Variants in DNM3 observed in about 807,000 individuals in gnomAD.
DNM3 encodes dynamin-3.
DNM3 carries 47 observed loss-of-function variants against 101.6 expected under a neutral mutation model. The ratio of observed to expected loss-of-function variants is 0.46; its 90% CI spans 0.37 to 0.59. The LOEUF is 0.59. Among genes scored for constraint, DNM3 ranks in the 20% least tolerant of loss-of-function variants. The pLI is 0.00. For synonymous variants in DNM3, 385 were observed against 387.9 expected (o/e 0.99, Z 0.09); for missense variants, 849 against 1,085.7 (o/e 0.78, Z 3.06).
chr1:171,898,010 A>G (rs1316766794), intron 1 of DNM3, among the ~76,000 whole-genome samples: 6 of 151,926 alleles, frequency 3.9e-5, no homozygotes, highest in Admixed American at 3.3e-4. Flanking sequence ...GGATTTAATT[A>G]GGAGAGGGAT....
intron 14 of DNM3, among the ~76,000 whole-genome samples, chr1:172,233,517 G>A (rs2148617922): frequency 6.6e-6 from 1 of 152,210 alleles, no homozygotes; most frequent in African/African-American, 2.4e-5. Context: ...AGAAAAAGAG[G>A]GAATCCTCCC....
chr1:172,188,079 G>GTGTA (rs1304200930), intron 14 of DNM3, among the ~76,000 whole-genome samples: 8 of 152,062 alleles, frequency 5.3e-5, no homozygotes, highest in Non-Finnish European at 7.4e-5. Flanking sequence ...AAGTATGTGT[G>GTGTA]TGTATGTATG....
At chr1:172,000,532 G>A (rs1292149212) in intron 4 of DNM3, among the ~76,000 whole-genome samples, 1 of 152,114 alleles carries the variant, frequency 6.6e-6, no homozygotes, top group African/African-American at 2.4e-5. Flanking sequence ...CATCCATTCA[G>A]TCACTTGTAT....
intron 14 of DNM3, among the ~76,000 whole-genome samples, chr1:172,226,039 ATAAGT>A (rs1295602630): frequency 1.3e-5 from 2 of 152,188 alleles, no homozygotes; most frequent in Non-Finnish European, 2.9e-5. Flanking sequence ...CCAGCATCCT[ATAAGT>A]TTAGTTTCTA....
chr1:172,013,554 T>A (rs576590837), intron 4 of DNM3, among the ~76,000 whole-genome samples: 1 of 152,164 alleles, frequency 6.6e-6, no homozygotes, highest in Admixed American at 6.6e-5. Flanking sequence ...AGGCTCCTAG[T>A]GTTGTATAAG....
chr1:171,874,384 A>G (rs1231238995), intron 1 of DNM3, among the ~76,000 whole-genome samples: 1 of 152,174 alleles, frequency 6.6e-6, no homozygotes, highest in African/African-American at 2.4e-5. Context: ...ATTCCTTGAA[A>G]TGAAATTAAT....
chr1:171,968,427 G>T (rs1258823425), intron 2 of DNM3, among the ~76,000 whole-genome samples: 2 of 152,166 alleles, frequency 1.3e-5, no homozygotes, highest in East Asian at 3.9e-4. Flanking sequence ...TTAATAGACA[G>T]AAATGGACCA....
At chr1:172,391,515 AAAGG>A (rs1312659696) in intron 20 of DNM3, among the ~76,000 whole-genome samples, 1 of 152,238 alleles carries the variant, frequency 6.6e-6, no homozygotes, top group East Asian at 1.9e-4. Context: ...TCAAAAAAAG[AAAGG>A]AAGAGAGAAC....
rs558657478 is a variant in DNM3, at chr1:172,224,086, CCTA to C, written c.1660-29485_1660-29483del. Among the ~76,000 whole-genome samples, 181 of 152,248 alleles carry C rather than the reference CCTA, an allele frequency of 1.2e-3. 1 individual carries two copies. The highest frequency in any genetic ancestry group is 4.1e-3 in the African/African-American group (172 of 41,552). ...GTAATACCTTCTCCCTATACCTATGCCTACCCCAATCCTACCCAACATGCAAGA... is the reference window on the plus strand; with the variant it reads ...GTAATACCTTCTCCCTATACCTATGCCCCCAATCCTACCCAACATGCAAGA... On this transcript the variant is annotated intron_variant, in intron 14 of 20. Coordinates refer to ENST00000627582, the MANE Select transcript of DNM3 (RefSeq NM_015569.5).
At chr1:172,295,873 T>G (rs1179231884) in intron 15 of DNM3, among the ~76,000 whole-genome samples, 1 of 151,874 alleles carries the variant, frequency 6.6e-6, no homozygotes, top group African/African-American at 2.4e-5. Flanking sequence ...AATGTAAAAA[T>G]AAAAGAAGAA....
At chr1:172,118,079 T>C (rs1284702981) in intron 13 of DNM3, among the ~76,000 whole-genome samples, 1 of 152,166 alleles carries the variant, frequency 6.6e-6, no homozygotes, top group Admixed American at 6.5e-5. Context: ...TATCCTCACA[T>C]CCTGCACTGC....
chr1:172,039,007 A>G (rs575105847), intron 7 of DNM3, among the ~76,000 whole-genome samples: 3 of 152,070 alleles, frequency 2.0e-5, no homozygotes, highest in South Asian at 4.1e-4. Flanking sequence ...ACTGCCAAGC[A>G]TCTTTTCACC....
chr1:172,128,117 T>C (rs2056743496), intron 13 of DNM3, among the ~76,000 whole-genome samples: 1 of 152,236 alleles, frequency 6.6e-6, no homozygotes, highest in African/African-American at 2.4e-5. Context: ...TTACAGACTC[T>C]TGTGACTACC....
chr1:172,348,455 G>A (rs769324021), intron 17 of DNM3, among the ~76,000 whole-genome samples: 2 of 152,176 alleles, frequency 1.3e-5, no homozygotes, highest in Non-Finnish European at 2.9e-5. Context: ...CTGCTGATTA[G>A]TTTAACCTGT....
intron 1 of DNM3, among the ~76,000 whole-genome samples, chr1:171,894,756 G>A (rs1375494565): frequency 6.6e-6 from 1 of 152,038 alleles, no homozygotes; most frequent in East Asian, 1.9e-4. Context: ...CCCCCAGCAG[G>A]CCCTGGTGTA....
chr1:172,338,611 G>C lies in DNM3; in HGVS notation c.1893+15271G>C, dbSNP rs191835538. The stretch of plus-strand genomic sequence containing the variant: ...TGAAAACGACTGTTGGCAATCCCCA[G>C]GCTGGAAGGATGATATAGAGAAGCC... On this transcript the variant is annotated intron_variant, in intron 17 of 20. Coordinates refer to ENST00000627582, the MANE Select transcript of DNM3 (RefSeq NM_015569.5). 1.7e-4 allele frequency among the ~76,000 whole-genome samples: 26 copies of C among 152,292 alleles called. No individual in the cohort carries two copies. In the East Asian group the frequency reaches 4.6e-3, roughly 27 times the overall value.
At chr1:172,320,448 C>G (rs1380155399) in intron 16 of DNM3, among the ~76,000 whole-genome samples, 1 of 151,004 alleles carries the variant, frequency 6.6e-6, no homozygotes, top group Non-Finnish European at 1.5e-5. Flanking sequence ...TACTTTGCAG[C>G]CATAAAAAAG....
At chr1:172,180,817 T>A (rs1223853728) in intron 14 of DNM3, among the ~76,000 whole-genome samples, 1 of 152,116 alleles carries the variant, frequency 6.6e-6, no homozygotes, top group Non-Finnish European at 1.5e-5. Flanking sequence ...GTATGAAAAT[T>A]TGCCCTACCT....
intron 15 of DNM3, among the ~76,000 whole-genome samples, chr1:172,294,955 C>T (rs938122375): frequency 6.6e-6 from 1 of 151,192 alleles, no homozygotes; most frequent in Non-Finnish European, 1.5e-5. Flanking sequence ...GTTTCACTTT[C>T]CCCCTTCTCT....
Sources: gnomAD v4.1 joint callset for allele counts (sites outside exome capture counted in the v4.1 genomes callset) on GRCh38, gnomAD v4.1.1 for gene constraint, MANE v1.5 for transcripts, NCBI Gene and HGNC (gene_info 2026-07-23, HGNC 2026-07-21) for gene names.